SDHA: variants seen among roughly 807,000 people sequenced by gnomAD.
SDHA encodes the protein succinate dehydrogenase [ubiquinone] flavoprotein subunit, mitochondrial.
A neutral mutation model predicts 78.4 loss-of-function variants in SDHA; 48 were observed. The ratio of observed to expected loss-of-function variants is 0.61; its 90% CI spans 0.49 to 0.78. The LOEUF is 0.78. Ranked by LOEUF, SDHA falls within the 30% of genes least tolerant of loss-of-function variation. The probability of loss-of-function intolerance (pLI) is 0.00; values close to 1 mark genes in which losing one functional copy is unlikely to be tolerated. For synonymous variants in SDHA, 326 were observed against 353.9 expected (o/e 0.92, Z 0.88); for missense variants, 680 against 892.7 (o/e 0.76, Z 3.04).
At chr5:233,760 C>T (rs1735580541) in intron 8 of SDHA, 115 bp downstream of exon 8, 1 of 1,020,036 alleles carries the variant, frequency 9.8e-7, no homozygotes, top group African/African-American at 1.6e-5. Context: ...TGCACAGCCA[C>T]CTCTCTTAGC....
intron 11 of SDHA, among the ~76,000 whole-genome samples, chr5:243,091 A>G (rs572201191): frequency 6.6e-6 from 1 of 152,154 alleles, no homozygotes; most frequent in Non-Finnish European, 1.5e-5. Flanking sequence ...GACCCCTCTC[A>G]GTTCTATTCA....
chr5:254,591 G>C lies in SDHA; in HGVS notation c.1908+85G>C, dbSNP rs6864807. ...CGGGCTGGCCTTGCTGATGGTGAAC[G>C]GGGAAGAGCAGGCCAGATTTAAATC... On this transcript the variant is annotated intron_variant, in intron 14 of 14. Transcript: ENST00000264932. The C allele has an allele frequency of 6.0e-5, 86 of 1,428,024 alleles. 2 individuals carry two copies. The South Asian group carries it at 8.9e-4, about 15-fold the overall frequency. 88.5% of individuals were successfully genotyped at this position (1,428,024 alleles called of 1,614,324 possible).
chr5:251,049 G>A lies in SDHA; in HGVS notation c.1609G>A (p.Gly537Arg), dbSNP rs1736789994. 1 of 1,612,020 alleles carries A rather than the reference G, an allele frequency of 6.2e-7. No homozygotes were observed. ...RVGSVLQEGC[G>R]KISKLYGDLK... ...GGGAAGCGTGTTGCAAGAAGGTTGT[G>A]GGAAAATCAGCAAGCTCTATGGAGA... is the stretch of plus-strand genomic sequence containing the variant. The change falls in exon 12 of 15, where the codon GGG becomes AGG. Residue 537 changes from glycine to arginine, a missense_variant. By Grantham distance (125) the Gly-to-Arg change is moderately radical (BLOSUM62 -2). Transcript: ENST00000264932.
intron 10 of SDHA, among the ~76,000 whole-genome samples, chr5:237,967 A>G (rs1490713511): frequency 7.3e-6 from 1 of 136,232 alleles, no homozygotes; most frequent in Non-Finnish European, 1.5e-5. Context: ...GTCTCACTCC[A>G]TAGCCCTGCA....
chr5:262,663 C>T, the SDHA span, among the ~76,000 whole-genome samples: 1 of 152,226 alleles, frequency 6.6e-6, no homozygotes, highest in Non-Finnish European at 1.5e-5. Context: ...GGTTAGGGAC[C>T]ACCAGTTTAA....
intron 1 of SDHA, among the ~76,000 whole-genome samples, chr5:221,025 GA>G (rs1734685505): frequency 6.6e-6 from 1 of 152,102 alleles, no homozygotes; most frequent in African/African-American, 2.4e-5. Context: ...ATGTTAGCCA[GA>G]ATGGTCTCCA....
rs556474816 is a variant in SDHA, at chr5:226,882, TCGCACC to T, written c.621+837_621+842del. Among the ~76,000 whole-genome samples, 9 of 132,906 alleles carry T rather than the reference TCGCACC, an allele frequency of 6.8e-5. No individual in the cohort carries two copies. The South Asian group carries it at 2.2e-3, about 32-fold the overall frequency. 87.2% of individuals were successfully genotyped at this position (132,906 alleles called of 152,430 possible). A position where few individuals can be genotyped will look rare whatever the true frequency, so the allele number is the denominator to read the frequency against. ...AGGCGGAACTTGCAGTGAGCCGAGA[TCGCACC>T]CCTGCACTCCAGCCTGGGCAACAGA... On this transcript the variant is annotated intron_variant, in intron 5 of 14. Coordinates refer to ENST00000264932, the MANE Select transcript of SDHA (RefSeq NM_004168.4).
chr5:238,159 C>T (rs561276482), intron 10 of SDHA, among the ~76,000 whole-genome samples: 3 of 151,822 alleles, frequency 2.0e-5, no homozygotes, highest in African/African-American at 7.3e-5. Context: ...CAAAAGGCTG[C>T]ATGCCTGTGG....
chr5:255,142 G>C, intron 14 of SDHA, among the ~76,000 whole-genome samples: 1 of 141,302 alleles, frequency 7.1e-6, no homozygotes, highest in Admixed American at 7.0e-5. Context: ...GTGTGGTAGG[G>C]GGGTCGCAGC....
chr5:265,834 G>A, the SDHA span, among the ~76,000 whole-genome samples: 20 of 131,702 alleles, frequency 1.5e-4, no homozygotes, highest in Admixed American at 2.2e-4. Context: ...AAAAAAAAAA[G>A]AGTTGTCAAA....
chr5:243,710 A>G (rs1736278076), intron 11 of SDHA, among the ~76,000 whole-genome samples: 3 of 152,234 alleles, frequency 2.0e-5, no homozygotes, highest in African/African-American at 7.2e-5. Context: ...ATAGTGCTGC[A>G]GTTATCAGCT....
the SDHA span, among the ~76,000 whole-genome samples, chr5:268,356 G>A: frequency 6.6e-6 from 1 of 151,994 alleles, no homozygotes; most frequent in African/African-American, 2.4e-5. Flanking sequence ...CTAATTTTTT[G>A]TATTTTTAGT....
chr5:229,561 A>G (rs1331060753), intron 6 of SDHA, among the ~76,000 whole-genome samples: 1 of 152,264 alleles, frequency 6.6e-6, no homozygotes, highest in Non-Finnish European at 1.5e-5. Flanking sequence ...ACTCACAGAA[A>G]CAGAGTAGGA....
At chr5:243,376 C>A (rs916383130) in intron 11 of SDHA, among the ~76,000 whole-genome samples, 1 of 152,168 alleles carries the variant, frequency 6.6e-6, no homozygotes, top group African/African-American at 2.4e-5. Flanking sequence ...TCAGTTCTTA[C>A]AATTTAAAAC....
rs142849100 is a variant in SDHA at position 233,550 on chromosome 5, C to A, written c.969C>A (p.Gly323=). The A allele has an allele frequency of 3.7e-6, 6 of 1,613,956 alleles. No homozygotes were observed. Among genetic ancestry groups the A allele is most frequent in the Non-Finnish European group, 3.4e-6 (4 of 1,180,002 alleles). ...GEGGILINSQ[G]ERFMERYAPV... is the part of the protein sequence containing the mutation. ...GAGGCATTCTCATTAACAGTCAAGG[C>A]GAAAGGTTTATGGAGCGATACGCCC... Residue 323 remains glycine, a synonymous_variant, in exon 8 of 15, where the codon GGC becomes GGA. Transcript: ENST00000264932.
rs1579409384 is a variant in SDHA, at chr5:236,458, A to G, written c.1291A>G (p.Ile431Val). 6.2e-7 allele frequency: 1 copy of G among 1,613,872 alleles called. No homozygotes were observed. Residue 431 changes from isoleucine (I) to valine (V), a missense_variant, in exon 10 of 15, where the codon ATT becomes GTT. Physicochemically the swap from Ile to Val is conservative, Grantham distance 29. Transcript: ENST00000264932. ...GAGGCACGTGAATGGCCAGGATCAG[A>G]TTGTGCCCGGCCTGTACGCCTGTGG... Reference protein sequence around the residue: ...VLRHVNGQDQIVPGLYACGEA... With the variant: ...VLRHVNGQDQVVPGLYACGEA...
intron 1 of SDHA, among the ~76,000 whole-genome samples, chr5:218,644 G>A (rs1734525831): frequency 6.6e-6 from 1 of 152,234 alleles, no homozygotes; most frequent in Non-Finnish European, 1.5e-5. Context: ...GCGTCCGGGT[G>A]AAGGTCACAA....
chr5:258,616 G>A (rs1737365059), downstream of SDHA, among the ~76,000 whole-genome samples: 1 of 104,316 alleles, frequency 9.6e-6, no homozygotes, highest in African/African-American at 4.0e-5. Flanking sequence ...TCCTGCCAGA[G>A]CATTACCGTG....
chr5:258,324 C>A (rs1737337762), downstream of SDHA, among the ~76,000 whole-genome samples: 2 of 102,388 alleles, frequency 2.0e-5, no homozygotes, highest in East Asian at 4.6e-4. Context: ...TGAGCTCCGC[C>A]CCCCTGTCAG....
Sources: gnomAD v4.1 joint callset for allele counts (sites outside exome capture counted in the v4.1 genomes callset) on GRCh38, gnomAD v4.1.1 for gene constraint, MANE v1.5 for transcripts, NCBI Gene and HGNC (gene_info 2026-07-23, HGNC 2026-07-21) for gene names.